The following PKIA variants were observed in gnomAD, a reference collection of about 807,000 sequenced individuals.
PKIA encodes the protein cAMP-dependent protein kinase inhibitor alpha.
In PKIA, 4 loss-of-function variants were observed where a neutral mutation model predicts 7.6. The ratio of observed to expected loss-of-function variants is 0.52; its 90% CI spans 0.26 to 1.20. The LOEUF (loss-of-function observed/expected upper bound fraction) is 1.20. Ranked by LOEUF, PKIA falls within the 50% of genes most tolerant of loss-of-function variation. PKIA has a pLI of 0.13. For synonymous variants in PKIA, 21 were observed against 30.7 expected (o/e 0.68, Z 1.04); for missense variants, 73 against 86.2 (o/e 0.85, Z 0.61).
Position 78,550,067 on chromosome 8 carries a change from CAG to C in PKIA, c.-156-22742_-156-22741del, listed in dbSNP as rs1319416756. Among the ~76,000 whole-genome samples, 3 of 152,066 alleles carry C rather than the reference CAG, an allele frequency of 2.0e-5. No homozygotes were observed. The East Asian group carries it at 5.8e-4, about 29-fold the overall frequency. ...AATCTGAATGCATTCTATTAAAGAA[CAG>C]AATTAAACAGGCAAGCAAAGATGTA... On this transcript the variant is annotated intron_variant, in intron 1 of 3. Transcript: ENST00000396418.
intron 1 of PKIA, among the ~76,000 whole-genome samples, chr8:78,529,162 GAAC>G (rs1806331399): frequency 2.6e-5 from 4 of 151,982 alleles, no homozygotes; most frequent in African/African-American, 9.7e-5. Flanking sequence ...ATTTATTTTA[GAAC>G]ATCATTTATA....
At chr8:78,584,565 A>G (rs1807903899) in intron 2 of PKIA, among the ~76,000 whole-genome samples, 1 of 152,134 alleles carries the variant, frequency 6.6e-6, no homozygotes, top group African/African-American at 2.4e-5. Flanking sequence ...TTATAACTCA[A>G]ATGAGTTTGG....
chr8:78,536,872 ACAC>A (rs1806538996), intron 1 of PKIA, among the ~76,000 whole-genome samples: 1 of 98,872 alleles, frequency 1.0e-5, no homozygotes, highest in Non-Finnish European at 2.1e-5. Context: ...ACACACACAC[ACAC>A]ACACACACAC....
At chr8:78,572,122 C>A (rs187740586) in intron 1 of PKIA, among the ~76,000 whole-genome samples, 1 of 152,132 alleles carries the variant, frequency 6.6e-6, no homozygotes, top group East Asian at 1.9e-4. Flanking sequence ...AGTGTTGGAA[C>A]CTTTTTGCAT....
intron 2 of PKIA, among the ~76,000 whole-genome samples, chr8:78,579,111 C>A (rs1807745342): frequency 6.6e-6 from 1 of 151,948 alleles, no homozygotes; most frequent in Non-Finnish European, 1.5e-5. Context: ...CTCTTTCCAC[C>A]TCTAACTTTA....
chr8:78,558,602 C>G (rs1807206670), intron 1 of PKIA: 1 of 151,572 alleles, frequency 6.6e-6, no homozygotes, highest in African/African-American at 2.4e-5. Context: ...CCCCCTTCCC[C>G]CCCGCCCGAC....
At chr8:78,547,595 T>C (rs1346135749) in intron 1 of PKIA, among the ~76,000 whole-genome samples, 1 of 152,208 alleles carries the variant, frequency 6.6e-6, no homozygotes, top group Non-Finnish European at 1.5e-5. Context: ...ATATGAATAC[T>C]TGTTGCTAAT....
chr8:78,521,844 T>C (rs1809423100), intron 1 of PKIA, among the ~76,000 whole-genome samples: 1 of 151,924 alleles, frequency 6.6e-6, no homozygotes, highest in Admixed American at 6.6e-5. Context: ...AGAAACTCTA[T>C]ACACATTAAA....
intron 1 of PKIA, among the ~76,000 whole-genome samples, chr8:78,529,494 G>T (rs1806340310): frequency 6.6e-6 from 1 of 151,920 alleles, no homozygotes; most frequent in Non-Finnish European, 1.5e-5. Flanking sequence ...TTTTCAAGTG[G>T]ATCAGTCTTT....
At chr8:78,533,053 C>T (rs948653696) in intron 1 of PKIA, among the ~76,000 whole-genome samples, 2 of 152,130 alleles carry the variant, frequency 1.3e-5, no homozygotes, top group Non-Finnish European at 2.9e-5. Context: ...TCTTTCATTC[C>T]GTGCACCAGG....
chr8:78,532,442 G>A (rs1267884200), intron 1 of PKIA, among the ~76,000 whole-genome samples: 1 of 151,324 alleles, frequency 6.6e-6, no homozygotes, highest in African/African-American at 2.4e-5. Context: ...TTTTCTAGGC[G>A]GAGCTTGCAG....
At chr8:78,583,643 C>T (rs955192751) in intron 2 of PKIA, among the ~76,000 whole-genome samples, 4 of 152,024 alleles carry the variant, frequency 2.6e-5, no homozygotes, top group African/African-American at 9.7e-5. Flanking sequence ...TACTGTATAA[C>T]AGTAAGTCTA....
intron 1 of PKIA, among the ~76,000 whole-genome samples, chr8:78,569,768 A>G (rs1438259327): frequency 6.6e-6 from 1 of 152,158 alleles, no homozygotes; most frequent in Non-Finnish European, 1.5e-5. Flanking sequence ...CTTAAAATAA[A>G]TGAAAAAATA....
Position 78,524,266 on chromosome 8 carries a change from A to C in PKIA, c.-157+7798A>C, listed in dbSNP as rs1809500208. 2.7e-5 allele frequency among the ~76,000 whole-genome samples: 4 copies of C among 146,514 alleles called. 1 individual carries two copies. In the South Asian group the frequency reaches 8.3e-4, roughly 31 times the overall value. On this transcript the variant is annotated intron_variant, in intron 1 of 3. Transcript: ENST00000396418. ...TATGTTTTTATATATATGGGTTTCT[A>C]CTTATAAGGTATAATCACTGGAGAA...
intron 2 of PKIA, among the ~76,000 whole-genome samples, chr8:78,580,933 T>C (rs975818883): frequency 6.6e-6 from 1 of 152,046 alleles, no homozygotes; most frequent in Admixed American, 6.6e-5. Context: ...ACTATATAAC[T>C]GTAGATGAAC....
chr8:78,562,888 TGTTGAATTAATGAATGAATATGTGAAG>T (rs1458587297), intron 1 of PKIA, among the ~76,000 whole-genome samples: 12 of 151,604 alleles, frequency 7.9e-5, no homozygotes, highest in Non-Finnish European at 1.6e-4. Context: ...AGGAAATGAG[TGTTGAATTAATGAATGAATATGTGAAG>T]GAATGAAAAA....
At chr8:78,531,530 C>A (rs1806385328) in intron 1 of PKIA, among the ~76,000 whole-genome samples, 1 of 151,978 alleles carries the variant, frequency 6.6e-6, no homozygotes, top group African/African-American at 2.4e-5. Flanking sequence ...ATTCTAAAAC[C>A]AAATGAATTT....
intron 2 of PKIA, among the ~76,000 whole-genome samples, chr8:78,579,722 A>T (rs1282637405): frequency 6.6e-6 from 1 of 152,106 alleles, no homozygotes; most frequent in Admixed American, 6.6e-5. Flanking sequence ...GAGAAATCTG[A>T]GGAATTGTAG....
At chr8:78,554,501 A>C (rs1170174538) in intron 1 of PKIA, among the ~76,000 whole-genome samples, 2 of 152,160 alleles carry the variant, frequency 1.3e-5, no homozygotes, top group South Asian at 2.1e-4. Flanking sequence ...GGCCTTGCAC[A>C]TTTAGTTAAA....
Sources: gnomAD v4.1 joint callset for allele counts (sites outside exome capture counted in the v4.1 genomes callset) on GRCh38, gnomAD v4.1.1 for gene constraint, MANE v1.5 for transcripts, NCBI Gene and HGNC (gene_info 2026-07-23, HGNC 2026-07-21) for gene names.